The following PRKCE variants were observed in gnomAD, a reference collection of about 807,000 sequenced individuals.
PRKCE encodes the protein protein kinase C epsilon, also known as protein kinase C epsilon type.
A neutral mutation model predicts 85.4 loss-of-function variants in PRKCE; 16 were observed. That is an observed-to-expected ratio of 0.19 (90% CI 0.13 to 0.28). The LOEUF (loss-of-function observed/expected upper bound fraction) is 0.28, where lower values mean the gene tolerates loss of function less well. PRKCE is among the 10% of genes least tolerant of loss of function. The pLI is 1.00. For synonymous variants in PRKCE, 388 were observed against 371.5 expected, an observed-to-expected ratio of 1.04 and a Z score of -0.51; for missense variants, 573 against 975.2, an observed-to-expected ratio of 0.59 and a Z score of 5.49.
intron 1 of PRKCE, among the ~76,000 whole-genome samples, chr2:45,814,930 A>G (rs767564692): frequency 5.3e-5 from 8 of 152,140 alleles, no homozygotes; most frequent in Non-Finnish European, 1.0e-4. Context: ...GACTTCTCCA[A>G]AAACCAACAA....
chr2:45,773,105 G>A (rs974512714), intron 1 of PRKCE, among the ~76,000 whole-genome samples: 7 of 152,158 alleles, frequency 4.6e-5, no homozygotes, highest in South Asian at 2.1e-4. Flanking sequence ...TAGCCCCTCC[G>A]AGGGGCTTTT....
At chr2:46,062,385 A>C (rs1667227545) in intron 10 of PRKCE, among the ~76,000 whole-genome samples, 1 of 152,140 alleles carries the variant, frequency 6.6e-6, no homozygotes, top group Non-Finnish European at 1.5e-5. Context: ...TGTCCTACTC[A>C]AATTAGTCAG....
intron 1 of PRKCE, among the ~76,000 whole-genome samples, chr2:45,696,316 CTTTACATA>C (rs1678147108): frequency 1.3e-5 from 2 of 152,022 alleles, no homozygotes; most frequent in African/African-American, 4.8e-5. Context: ...TATTTACAGT[CTTTACATA>C]TTTACATATT....
At chr2:45,830,930 A>T (rs1289677655) in intron 1 of PRKCE, among the ~76,000 whole-genome samples, 1 of 152,242 alleles carries the variant, frequency 6.6e-6, no homozygotes, top group Non-Finnish European at 1.5e-5. Context: ...AAAACAAGGG[A>T]ATAACTCAGA....
chr2:45,852,366 C>T (rs561523014), intron 2 of PRKCE, among the ~76,000 whole-genome samples: 2 of 152,356 alleles, frequency 1.3e-5, no homozygotes, highest in African/African-American at 2.4e-5. Flanking sequence ...GTTAAATTTA[C>T]TTTCAGGTGT....
intron 1 of PRKCE, among the ~76,000 whole-genome samples, chr2:45,730,245 TG>T (rs1210853953): frequency 6.6e-6 from 1 of 152,060 alleles, no homozygotes; most frequent in African/African-American, 2.4e-5. Context: ...CTCAAGTTTT[TG>T]GGCTCAAACA....
intron 1 of PRKCE, among the ~76,000 whole-genome samples, chr2:45,785,005 C>G (rs1247422563): frequency 6.6e-6 from 1 of 152,112 alleles, no homozygotes; most frequent in African/African-American, 2.4e-5. Flanking sequence ...CTCATCAAAT[C>G]AAAGAGAAAC....
intron 10 of PRKCE, among the ~76,000 whole-genome samples, chr2:46,064,243 C>A (rs541771857): frequency 8.1e-4 from 116 of 143,498 alleles, no homozygotes; most frequent in Middle Eastern, 3.9e-3. Context: ...GATCATACCA[C>A]TGCATTCCAC....
chr2:45,977,430 A>C (rs61763800), intron 3 of PRKCE, among the ~76,000 whole-genome samples: 2,016 of 152,096 alleles, frequency 0.013, 51 homozygotes, highest in African/African-American at 0.046. Flanking sequence ...TGAGGTCAGG[A>C]GTTTGAAACC....
intron 11 of PRKCE, among the ~76,000 whole-genome samples, chr2:46,094,300 A>G (rs1670465842): frequency 6.6e-6 from 1 of 152,134 alleles, no homozygotes; most frequent in South Asian, 2.1e-4. Flanking sequence ...TACTGCATCA[A>G]TTTGGTGAAG....
chr2:46,152,451 G>A (rs1203769316), intron 13 of PRKCE, among the ~76,000 whole-genome samples: 1 of 151,938 alleles, frequency 6.6e-6, no homozygotes, highest in African/African-American at 2.4e-5. Context: ...CAAAGTGCTG[G>A]GATTACAGAC....
chr2:46,045,128 C>G (rs1708440403), intron 10 of PRKCE, among the ~76,000 whole-genome samples: 1 of 152,098 alleles, frequency 6.6e-6, no homozygotes, highest in South Asian at 2.1e-4. Context: ...TTTAATGAAA[C>G]AGAGTAGGGT....
At chr2:45,899,459 C>A (rs919478912) in intron 2 of PRKCE, among the ~76,000 whole-genome samples, 1 of 151,714 alleles carries the variant, frequency 6.6e-6, no homozygotes, top group Non-Finnish European at 1.5e-5. Flanking sequence ...TGGCTCACTG[C>A]AGCCTCAATC....
intron 11 of PRKCE, among the ~76,000 whole-genome samples, chr2:46,113,871 G>T (rs896347751): frequency 6.6e-6 from 1 of 152,190 alleles, no homozygotes; most frequent in African/African-American, 2.4e-5. Context: ...ATTCGTCTCA[G>T]TCCTGGCTGT....
At chr2:46,156,937 A>T (rs1677266773) in intron 13 of PRKCE, among the ~76,000 whole-genome samples, 1 of 152,204 alleles carries the variant, frequency 6.6e-6, no homozygotes, top group East Asian at 1.9e-4. Flanking sequence ...AGGTATATAC[A>T]AGCAATACAA....
chr2:45,845,656 T>A (rs567066122), intron 2 of PRKCE: 3 of 152,322 alleles, frequency 2.0e-5, no homozygotes, highest in African/African-American at 7.2e-5. Flanking sequence ...GCCGAAGGAT[T>A]CTTTTTCTTG....
chr2:46,042,685 G>A (rs927876665), intron 10 of PRKCE, among the ~76,000 whole-genome samples: 2 of 152,216 alleles, frequency 1.3e-5, no homozygotes, highest in African/African-American at 4.8e-5. Flanking sequence ...GAGAAGAAAT[G>A]TCTCCCTGGA....
intron 10 of PRKCE, among the ~76,000 whole-genome samples, chr2:46,032,808 C>T (rs1304027208): frequency 6.6e-6 from 1 of 152,204 alleles, no homozygotes; most frequent in Non-Finnish European, 1.5e-5. Flanking sequence ...AGTTTATCTT[C>T]CAAGGTGTGT....
intron 10 of PRKCE, among the ~76,000 whole-genome samples, chr2:46,023,602 T>G (rs1706864302): frequency 6.6e-6 from 1 of 152,214 alleles, no homozygotes; most frequent in Non-Finnish European, 1.5e-5. Flanking sequence ...GACCCATAGC[T>G]TGAACTAGGG....
Sources: gnomAD v4.1 joint callset for allele counts (sites outside exome capture counted in the v4.1 genomes callset) on GRCh38, gnomAD v4.1.1 for gene constraint, MANE v1.5 for transcripts, NCBI Gene and HGNC (gene_info 2026-07-23, HGNC 2026-07-21) for gene names.